RBFOX1: variants seen among roughly 807,000 people sequenced by gnomAD.
The protein encoded by RBFOX1 is RNA binding protein fox-1 homolog 1.
In RBFOX1, 8 loss-of-function variants were observed where a neutral mutation model predicts 57.7. That is an observed-to-expected ratio of 0.14 (90% CI 0.08 to 0.25). RBFOX1 has a LOEUF of 0.25. Ranked by LOEUF, RBFOX1 falls within the 10% of genes least tolerant of loss-of-function variation. The probability of loss-of-function intolerance (pLI) is 1.00; values close to 1 mark genes in which losing one functional copy is unlikely to be tolerated. For synonymous variants in RBFOX1, 326 were observed against 222.4 expected, an observed-to-expected ratio of 1.47 and a Z score of -4.15; for missense variants, 611 against 548.5, an observed-to-expected ratio of 1.11 and a Z score of -1.14.
At chr16:6,991,474 C>A (rs1289564655) in intron 3 of RBFOX1, among the ~76,000 whole-genome samples, 2 of 152,148 alleles carry the variant, frequency 1.3e-5, no homozygotes, top group African/African-American at 4.8e-5. Context: ...GTAGATAAGT[C>A]CTTTTGAAAA....
At position 5,674,523 on chromosome 16, in the gene RBFOX1, G is replaced by T. The variant is rs565448129; in HGVS notation, c.318+75562G>T. Among the ~76,000 whole-genome samples, 15 of 152,274 alleles carry T rather than the reference G, an allele frequency of 9.9e-5. No homozygotes were observed. The East Asian group carries it at 2.9e-3, about 29-fold the overall frequency. On this transcript the variant is annotated intron_variant, in intron 3 of 19. Transcript: ENST00000641259. Reference sequence around the variant, plus strand: ...CACATATCAGAAAGTCTTGACAAAGGAACTTACAGAGCAAAGGTAGACAGA... The same window carrying T: ...CACATATCAGAAAGTCTTGACAAAGTAACTTACAGAGCAAAGGTAGACAGA...
At chr16:5,725,772 T>C (rs1450550291) in intron 3 of RBFOX1, among the ~76,000 whole-genome samples, 1 of 152,014 alleles carries the variant, frequency 6.6e-6, no homozygotes, top group Non-Finnish European at 1.5e-5. Context: ...TTCCCAAGAA[T>C]GGCACTGCTA....
chr16:7,363,006 A>G (rs2097359146), intron 4 of RBFOX1, among the ~76,000 whole-genome samples: 1 of 152,198 alleles, frequency 6.6e-6, no homozygotes, highest in Non-Finnish European at 1.5e-5. Context: ...TGAGACCCAC[A>G]TGGAATGTCT....
chr16:5,484,834 C>T (rs571385030), intron 2 of RBFOX1, among the ~76,000 whole-genome samples: 1 of 151,502 alleles, frequency 6.6e-6, no homozygotes, highest in African/African-American at 2.4e-5. Flanking sequence ...ATCACTTGAA[C>T]CAGGGAGCCA....
intron 3 of RBFOX1, among the ~76,000 whole-genome samples, chr16:5,673,851 C>A (rs1400220955): frequency 6.6e-6 from 1 of 152,202 alleles, no homozygotes; most frequent in Non-Finnish European, 1.5e-5. Flanking sequence ...TAGCATTTCC[C>A]AGCTTAGCAT....
intron 3 of RBFOX1, among the ~76,000 whole-genome samples, chr16:5,642,436 A>G (rs866119934): frequency 6.6e-6 from 1 of 152,156 alleles, no homozygotes. Flanking sequence ...TAATTAGGTA[A>G]CACTTGTGCT....
rs13333525 is a variant in RBFOX1 at position 7,591,707 on chromosome 16, G to C, written c.469-3842G>C. Among the ~76,000 whole-genome samples the C allele has an allele frequency of 4.8e-3, 737 of 152,212 alleles. 6 individuals are homozygous for C. The highest frequency in any genetic ancestry group is 0.017 in the African/African-American group (700 of 41,534). ...TCTCTGTACCCCTTCTTGCGGTCTT[G>C]ATTTTTTAAGCAGTTACACATCAGC... On this transcript the variant is annotated intron_variant, in intron 7 of 15. Transcript: ENST00000550418.
chr16:7,174,722 G>T (rs2081324940), intron 4 of RBFOX1, among the ~76,000 whole-genome samples: 1 of 152,216 alleles, frequency 6.6e-6, no homozygotes, highest in South Asian at 2.1e-4. Flanking sequence ...GGAGATTGCA[G>T]TGAGCCAAGA....
At chr16:5,857,130 C>G (rs2057091676) in intron 3 of RBFOX1, among the ~76,000 whole-genome samples, 1 of 151,976 alleles carries the variant, frequency 6.6e-6, no homozygotes, top group Non-Finnish European at 1.5e-5. Flanking sequence ...ATTCACTGAC[C>G]TGATTTCAGT....
chr16:7,421,896 A>G (rs2098546294), intron 4 of RBFOX1, among the ~76,000 whole-genome samples: 1 of 152,198 alleles, frequency 6.6e-6, no homozygotes, highest in African/African-American at 2.4e-5. Context: ...TGAGCCCTTA[A>G]AAGTCATTTT....
At chr16:6,645,377 C>T (rs751073092) in intron 2 of RBFOX1, among the ~76,000 whole-genome samples, 62 of 152,094 alleles carry the variant, frequency 4.1e-4, no homozygotes, top group African/African-American at 1.2e-3. Context: ...TCTGAGGTCT[C>T]GGGAGCTTCG....
chr16:7,269,268 C>G (rs866904394), intron 4 of RBFOX1, among the ~76,000 whole-genome samples: 3 of 152,194 alleles, frequency 2.0e-5, no homozygotes, highest in Non-Finnish European at 2.9e-5. Flanking sequence ...CATACACACA[C>G]CTACACCCCT....
chr16:7,382,615 G>C (rs2097798232), intron 4 of RBFOX1, among the ~76,000 whole-genome samples: 1 of 152,200 alleles, frequency 6.6e-6, no homozygotes, highest in Non-Finnish European at 1.5e-5. Context: ...TAATGCGCAA[G>C]ATGGCAAGAA....
intron 1 of RBFOX1, among the ~76,000 whole-genome samples, chr16:5,258,183 A>C (rs536520768): frequency 6.6e-6 from 1 of 152,116 alleles, no homozygotes; most frequent in African/African-American, 2.4e-5. Flanking sequence ...TGCCTGGCCA[A>C]GGTTTTTTAT....
At chr16:7,213,223 A>C (rs2091465271) in intron 4 of RBFOX1, among the ~76,000 whole-genome samples, 1 of 152,162 alleles carries the variant, frequency 6.6e-6, no homozygotes, top group African/African-American at 2.4e-5. Context: ...GGGCAGAAAA[A>C]CAATGAGGCA....
intron 12 of RBFOX1, 81 bp downstream of exon 12, chr16:7,654,028 G>A (rs762325462): frequency 3.1e-5 from 43 of 1,400,856 alleles, no homozygotes; most frequent in Non-Finnish European, 3.9e-5. Context: ...GCGAGCGCAT[G>A]ATGGTCTTGA....
intron 4 of RBFOX1, among the ~76,000 whole-genome samples, chr16:7,273,584 G>C (rs2095382541): frequency 6.6e-6 from 1 of 152,130 alleles, no homozygotes; most frequent in South Asian, 2.1e-4. Context: ...CAATGGAAAA[G>C]TTGCAAACAA....
intron 4 of RBFOX1, among the ~76,000 whole-genome samples, chr16:7,430,863 C>T (rs1282284931): frequency 6.6e-6 from 1 of 152,180 alleles, no homozygotes; most frequent in Non-Finnish European, 1.5e-5. Flanking sequence ...GCTTGGTTAT[C>T]ATGAATATTA....
chr16:5,797,013 T>G (rs1417132706), intron 3 of RBFOX1, among the ~76,000 whole-genome samples: 1 of 152,110 alleles, frequency 6.6e-6, no homozygotes, highest in African/African-American at 2.4e-5. Flanking sequence ...ATAAAATAAC[T>G]GCAAAAGATG....
Sources: gnomAD v4.1 joint callset for allele counts (sites outside exome capture counted in the v4.1 genomes callset) on GRCh38, gnomAD v4.1.1 for gene constraint, MANE v1.5 for transcripts, NCBI Gene and HGNC (gene_info 2026-07-23, HGNC 2026-07-21) for gene names.